The following RIMS1 variants were observed in gnomAD, a reference collection of about 807,000 sequenced individuals.
RIMS1 encodes regulating synaptic membrane exocytosis 1, also known as regulating synaptic membrane exocytosis protein 1.
Under a neutral mutation model 214.1 loss-of-function variants are expected in RIMS1, and 83 were observed. The ratio of observed to expected loss-of-function variants is 0.39; its 90% CI spans 0.32 to 0.47. RIMS1 has a LOEUF of 0.47. Among genes scored for constraint, RIMS1 ranks in the 20% least tolerant of loss-of-function variants. RIMS1 has a pLI of 0.99. For synonymous variants in RIMS1, 793 were observed against 786.8 expected, an observed-to-expected ratio of 1.01 and a Z score of -0.13; for missense variants, 2,050 against 2,161.8, an observed-to-expected ratio of 0.95 and a Z score of 1.03.
chr6:72,213,136 G>A, intron 6 of RIMS1: 1 of 1,536,938 alleles, frequency 6.5e-7, no homozygotes, highest in Non-Finnish European at 8.7e-7. Context: ...TGTGCACCTG[G>A]GATTCATGTC....
At chr6:72,395,473 G>A (rs180821345) in intron 31 of RIMS1, among the ~76,000 whole-genome samples, 19 of 152,154 alleles carry the variant, frequency 1.2e-4, no homozygotes, top group Admixed American at 1.2e-3. Flanking sequence ...AGAAATTATA[G>A]AATTGAAAAA....
At chr6:72,262,414 A>G in intron 19 of RIMS1, 1 of 983,948 alleles carries the variant, frequency 1.0e-6, no homozygotes, top group Non-Finnish European at 1.2e-6. Flanking sequence ...AGCGAGGCAG[A>G]TAACATCCTG....
At chr6:72,345,105 CA>C (rs1157792158) in intron 29 of RIMS1, among the ~76,000 whole-genome samples, 1 of 151,670 alleles carries the variant, frequency 6.6e-6, no homozygotes, top group Non-Finnish European at 1.5e-5. Flanking sequence ...ACATTTCAGG[CA>C]GCTAAAGATG....
intron 4 of RIMS1, among the ~76,000 whole-genome samples, chr6:72,152,722 A>ATATATG (rs1554253122): frequency 3.5e-5 from 5 of 142,284 alleles, no homozygotes; most frequent in Admixed American, 1.5e-4. Flanking sequence ...ATATGTGAAT[A>ATATATG]TATATATATG....
At chr6:72,054,844 G>T (rs1825736154) in intron 2 of RIMS1, among the ~76,000 whole-genome samples, 1 of 152,072 alleles carries the variant, frequency 6.6e-6, no homozygotes, top group Non-Finnish European at 1.5e-5. Flanking sequence ...CAGATGAGTA[G>T]ATTGCAAAAA....
At chr6:72,173,931 C>T (rs1264468077) in intron 4 of RIMS1, among the ~76,000 whole-genome samples, 1 of 151,968 alleles carries the variant, frequency 6.6e-6, no homozygotes, top group Admixed American at 6.6e-5. Context: ...TCAACAACAC[C>T]TGTCTGTTTC....
At chr6:71,935,302 C>G (rs950581280) in intron 1 of RIMS1, among the ~76,000 whole-genome samples, 5 of 152,098 alleles carry the variant, frequency 3.3e-5, no homozygotes, top group Admixed American at 2.0e-4. Context: ...CCTTTCCACC[C>G]CATATCTCAT....
At chr6:72,161,784 T>G (rs554771185) in intron 4 of RIMS1, among the ~76,000 whole-genome samples, 2 of 140,924 alleles carry the variant, frequency 1.4e-5, no homozygotes, top group East Asian at 4.0e-4. Flanking sequence ...CTTTCACATT[T>G]GCTGAGGAGA....
At chr6:71,981,710 T>C (rs1445465752) in intron 2 of RIMS1, among the ~76,000 whole-genome samples, 2 of 152,176 alleles carry the variant, frequency 1.3e-5, no homozygotes, top group African/African-American at 4.8e-5. Context: ...CCGGCAATAC[T>C]TTTAAAGAGC....
At chr6:72,381,690 G>A (rs985909725) in intron 29 of RIMS1, among the ~76,000 whole-genome samples, 4 of 152,176 alleles carry the variant, frequency 2.6e-5, no homozygotes, top group Admixed American at 1.3e-4. Flanking sequence ...AGTTATGTTA[G>A]CTAACATTTT....
chr6:72,264,980 T>C lies in RIMS1; in HGVS notation c.3122T>C (p.Leu1041Pro), dbSNP rs368839251. 203 of 1,586,150 alleles carry C rather than the reference T, an allele frequency of 1.3e-4. No individual in the cohort carries two copies. Among genetic ancestry groups the C allele is most frequent in the Non-Finnish European group, 1.7e-4 (194 of 1,163,306 alleles). Residue 1041 changes from leucine (L) to proline (P), a missense_variant, in exon 20 of 34, where the codon CTT (leucine) becomes CCT (proline). Transcript: ENST00000521978. ...TTTGTGTTGCTACGTTCCAGACATCTTGTTAGGCACTATAAAACATTACCT... is the reference window on the plus strand; with the variant it reads ...TTTGTGTTGCTACGTTCCAGACATCCTGTTAGGCACTATAAAACATTACCT... ...SAECLHTTRH[L>P]VRHYKTLPPK...
chr6:72,056,717 T>C (rs1826283000), intron 2 of RIMS1, among the ~76,000 whole-genome samples: 1 of 152,230 alleles, frequency 6.6e-6, no homozygotes, highest in Non-Finnish European at 1.5e-5. Flanking sequence ...TTTGTCTCAA[T>C]CCTTAATTTC....
chr6:72,340,699 T>A (rs2097046125), intron 29 of RIMS1, among the ~76,000 whole-genome samples: 1 of 152,124 alleles, frequency 6.6e-6, no homozygotes, highest in Non-Finnish European at 1.5e-5. Context: ...TGTAGTATAG[T>A]TTGAAGTCAG....
chr6:71,974,556 T>C (rs1796687532), intron 2 of RIMS1, among the ~76,000 whole-genome samples: 1 of 152,166 alleles, frequency 6.6e-6, no homozygotes, highest in Non-Finnish European at 1.5e-5. Context: ...CAGGCACATA[T>C]GTTAGGGGGA....
At chr6:72,123,604 T>A (rs532104365) in intron 4 of RIMS1, among the ~76,000 whole-genome samples, 1 of 151,812 alleles carries the variant, frequency 6.6e-6, no homozygotes, top group Non-Finnish European at 1.5e-5. Flanking sequence ...TGTGAGGGAG[T>A]CTAAGTCTCT....
At chr6:72,361,259 C>A (rs185170294) in intron 29 of RIMS1, among the ~76,000 whole-genome samples, 1 of 151,656 alleles carries the variant, frequency 6.6e-6, no homozygotes, top group African/African-American at 2.4e-5. Flanking sequence ...GCACATGCCG[C>A]CACGCCCTGC....
At chr6:71,898,856 T>C (rs1178587250) in intron 1 of RIMS1, among the ~76,000 whole-genome samples, 1 of 152,088 alleles carries the variant, frequency 6.6e-6, no homozygotes, top group Non-Finnish European at 1.5e-5. Flanking sequence ...AGTACAGTGG[T>C]TTTTTTCCAC....
rs893619989 is a variant in RIMS1, at chr6:72,265,927, C to G, written c.3309-33C>G. The G allele has an allele frequency of 1.2e-5, 18 of 1,454,352 alleles. No homozygotes were observed. The Admixed American group carries it at 3.6e-4, about 29-fold the overall frequency. 90.1% of individuals were successfully genotyped at this position (1,454,352 alleles called of 1,614,324 possible). A position where few individuals can be genotyped will look rare whatever the true frequency, so the allele number is the denominator to read the frequency against. On this transcript the variant is annotated intron_variant, in intron 21 of 33. Coordinates refer to ENST00000521978, the MANE Select transcript of RIMS1 (RefSeq NM_014989.7). Reference sequence around the variant, plus strand: ...CTTTCTTTGTTTTCTCTGTCTTTCTCTTCTACCACTGGATGCAATGCACTG... The same window carrying G: ...CTTTCTTTGTTTTCTCTGTCTTTCTGTTCTACCACTGGATGCAATGCACTG...
intron 29 of RIMS1, among the ~76,000 whole-genome samples, chr6:72,350,149 T>G (rs1370870820): frequency 6.6e-6 from 1 of 152,112 alleles, no homozygotes; most frequent in Non-Finnish European, 1.5e-5. Context: ...GGAAAAATAT[T>G]TAATAAATCA....
Sources: gnomAD v4.1 joint callset for allele counts (sites outside exome capture counted in the v4.1 genomes callset) on GRCh38, gnomAD v4.1.1 for gene constraint, MANE v1.5 for transcripts, NCBI Gene and HGNC (gene_info 2026-07-23, HGNC 2026-07-21) for gene names.